The following TMEM51 variants were observed in gnomAD, a reference collection of about 807,000 sequenced individuals.
TMEM51 encodes transmembrane protein 51, also known as chromosome 1 open reading frame 72.
Under a neutral mutation model 13.6 loss-of-function variants are expected in TMEM51, and 8 were observed. The observed-to-expected ratio is 0.59, with a 90% CI of 0.35 to 1.07. The LOEUF (loss-of-function observed/expected upper bound fraction) is 1.07, where lower values mean the gene tolerates loss of function less well. Ranked by LOEUF, TMEM51 falls within the 50% of genes least tolerant of loss-of-function variation. The pLI is 0.02. For missense variants in TMEM51, 279 were observed against 330.7 expected, an observed-to-expected ratio of 0.84 and a Z score of 1.21; for synonymous variants, 147 against 144.4, an observed-to-expected ratio of 1.02 and a Z score of -0.13.
chr1:15,193,179 G>T (rs1643969158), intron 1 of TMEM51, among the ~76,000 whole-genome samples: 1 of 152,192 alleles, frequency 6.6e-6, no homozygotes, highest in South Asian at 2.1e-4. Flanking sequence ...GTCATCTGGG[G>T]GTTTCTGAAT....
At position 15,214,843 on chromosome 1, in the gene TMEM51, C is replaced by T. The variant is rs1275589209; in HGVS notation, c.-193-52C>T. On this transcript the variant is annotated intron_variant, in intron 2 of 3. Transcript: ENST00000376008. ...GAGCAGAGCCGCCACATTCACAAAG[C>T]GTCTGGAATCGGAACTGATCGTCCT... 16 of 509,328 alleles carry T rather than the reference C, an allele frequency of 3.1e-5. No homozygotes were observed. In the Admixed American group the frequency reaches 5.7e-4, roughly 18 times the overall value. The allele number at this position is 509,328 out of a possible 1,614,324, so 31.6% of individuals were successfully genotyped here.
chr1:15,218,149 C>T (rs1030704422), intron 3 of TMEM51, among the ~76,000 whole-genome samples: 3 of 152,218 alleles, frequency 2.0e-5, no homozygotes, highest in African/African-American at 7.2e-5. Flanking sequence ...AGAAAATATC[C>T]TGACTTTTTG....
At chr1:15,158,565 C>T (rs1239262239) in intron 1 of TMEM51, among the ~76,000 whole-genome samples, 2 of 152,172 alleles carry the variant, frequency 1.3e-5, no homozygotes, top group Non-Finnish European at 2.9e-5. Flanking sequence ...CTAGAAAAAT[C>T]GGTATTTGGC....
intron 1 of TMEM51, among the ~76,000 whole-genome samples, chr1:15,167,196 G>A (rs898918719): frequency 6.3e-4 from 95 of 151,822 alleles, no homozygotes; most frequent in African/African-American, 2.0e-3. Flanking sequence ...GCGTGGTGGC[G>A]GGCGCCTGTA....
intron 2 of TMEM51, among the ~76,000 whole-genome samples, chr1:15,214,103 G>A (rs535476086): frequency 1.6e-3 from 234 of 149,202 alleles, no homozygotes; most frequent in African/African-American, 5.6e-3. Context: ...CATCCACCTC[G>A]GCCTCCCCAA....
chr1:15,156,686 C>T (rs1480220315), intron 1 of TMEM51, among the ~76,000 whole-genome samples: 1 of 152,194 alleles, frequency 6.6e-6, no homozygotes, highest in Non-Finnish European at 1.5e-5. Flanking sequence ...CCTAGAATGT[C>T]TCAGGTGGAG....
chr1:15,193,251 G>T (rs984955668), intron 1 of TMEM51, among the ~76,000 whole-genome samples: 6 of 152,206 alleles, frequency 3.9e-5, no homozygotes, highest in African/African-American at 1.4e-4. Context: ...ACCAGCTGCC[G>T]GCCCTAGGCC....
intron 1 of TMEM51, among the ~76,000 whole-genome samples, chr1:15,187,013 G>C (rs569889554): frequency 2.0e-5 from 3 of 152,254 alleles, no homozygotes; most frequent in South Asian, 4.1e-4. Context: ...CCACTGTCGG[G>C]GGGTATGTGT....
intron 1 of TMEM51, among the ~76,000 whole-genome samples, chr1:15,194,823 C>A (rs1644013809): frequency 6.6e-6 from 1 of 151,912 alleles, no homozygotes; most frequent in African/African-American, 2.4e-5. Context: ...CGTTTTTCAG[C>A]CAGCAATTTT....
intron 1 of TMEM51, chr1:15,191,899 C>A: frequency 1.9e-6 from 1 of 528,018 alleles, no homozygotes; most frequent in Non-Finnish European, 3.9e-6. Context: ...TCTTTTAGCA[C>A]GTTGTTTGTT....
At chr1:15,205,291 T>C (rs970229515) in intron 1 of TMEM51, among the ~76,000 whole-genome samples, 1 of 152,206 alleles carries the variant, frequency 6.6e-6, no homozygotes, top group Non-Finnish European at 1.5e-5. Flanking sequence ...TTTTATACAA[T>C]GCACCGACAG....
At chr1:15,152,920 G>A (rs965758787), upstream of TMEM51, 3 of 152,232 alleles carry the variant, frequency 2.0e-5, no homozygotes, top group Non-Finnish European at 2.9e-5. Context: ...GCCAGCCGGT[G>A]CCTCGCCGGG....
intron 1 of TMEM51, among the ~76,000 whole-genome samples, chr1:15,194,290 A>T (rs1644000910): frequency 6.6e-6 from 1 of 152,246 alleles, no homozygotes; most frequent in Admixed American, 6.5e-5. Flanking sequence ...GTCAACATGA[A>T]ATTAATATAA....
intron 1 of TMEM51, among the ~76,000 whole-genome samples, chr1:15,185,957 A>C (rs1643760045): frequency 6.6e-6 from 1 of 152,096 alleles, no homozygotes; most frequent in African/African-American, 2.4e-5. Flanking sequence ...TTAGAACCCC[A>C]AGCAAGGACT....
At chr1:15,203,296 C>T (rs1253795505) in intron 1 of TMEM51, among the ~76,000 whole-genome samples, 1 of 152,192 alleles carries the variant, frequency 6.6e-6, no homozygotes. Flanking sequence ...CTCTGTCACC[C>T]AGGCTGGAGT....
intron 1 of TMEM51, among the ~76,000 whole-genome samples, chr1:15,169,367 T>C (rs1643151737): frequency 6.6e-6 from 1 of 151,682 alleles, no homozygotes; most frequent in Non-Finnish European, 1.5e-5. Flanking sequence ...AGGAGTGAGA[T>C]GGGTAAATCT....
Position 15,215,074 on chromosome 1 carries a change from C to G in TMEM51, c.-14C>G, listed in dbSNP as rs984548160. On this transcript the variant is annotated 5_prime_UTR_variant, in exon 3 of 4. Coordinates refer to ENST00000376008, the MANE Select transcript of TMEM51 (RefSeq NM_001136218.2). ...TTCTTTCTTGGAACTGGGCCTCGCC[C>G]TCCTCCCACTGACATGATGGCCCAG... 7 of 1,594,858 alleles carry G rather than the reference C, an allele frequency of 4.4e-6. No individual in the cohort carries two copies. Among genetic ancestry groups the G allele is most frequent in the Non-Finnish European group, 6.0e-6 (7 of 1,166,662 alleles).
chr1:15,187,426 A>C lies in TMEM51; in HGVS notation c.-266-23064A>C, dbSNP rs527339590. ...ACTGCGGCTTCTTCTCTCTTTGCCCATCTTGGGCATGCAGGAGGCTGAGGG... is the reference window on the plus strand; with the variant it reads ...ACTGCGGCTTCTTCTCTCTTTGCCCCTCTTGGGCATGCAGGAGGCTGAGGG... On this transcript the variant is annotated intron_variant, in intron 1 of 3. Transcript: ENST00000376008. Among the ~76,000 whole-genome samples, 4 of 152,164 alleles carry C rather than the reference A, an allele frequency of 2.6e-5. No individual in the cohort carries two copies. The South Asian group carries it at 8.3e-4, about 32-fold the overall frequency.
chr1:15,212,834 G>C (rs1033894075), intron 2 of TMEM51, among the ~76,000 whole-genome samples: 3 of 152,188 alleles, frequency 2.0e-5, no homozygotes, highest in Non-Finnish European at 4.4e-5. Flanking sequence ...TATGTACATA[G>C]GTGCTCGCAC....
Sources: allele counts gnomAD v4.1 joint callset (sites outside exome capture counted in the v4.1 genomes callset), GRCh38; gene constraint gnomAD v4.1.1; transcripts MANE v1.5; gene names NCBI Gene and HGNC (gene_info 2026-07-23, HGNC 2026-07-21).